Variants in CRTAC1 observed in about 807,000 individuals in gnomAD.
CRTAC1 encodes the protein acidic secreted protein in cartilage.
CRTAC1 carries 37 observed loss-of-function variants against 67.8 expected under a neutral mutation model. That is an observed-to-expected ratio of 0.55 (90% CI 0.42 to 0.72). The LOEUF (loss-of-function observed/expected upper bound fraction) is 0.72. Ranked by LOEUF, CRTAC1 falls within the 30% of genes least tolerant of loss-of-function variation. The probability of loss-of-function intolerance (pLI) is 0.00; values close to 1 mark genes in which losing one functional copy is unlikely to be tolerated. For missense variants in CRTAC1, 780 were observed against 931.6 expected (o/e 0.84, Z 2.12); for synonymous variants, 348 against 371.0 (o/e 0.94, Z 0.71).
chr10:98,030,407 T>C lies in CRTAC1; in HGVS notation c.24+42A>G. ...GGGGGGCGCGCAGAGCTGGAGAAAC[T>C]TTCTCCGCCTTAGGGTGGGGGGCAC... On this transcript the variant is annotated intron_variant, in intron 1 of 14. Coordinates refer to ENST00000370597, the MANE Select transcript of CRTAC1 (RefSeq NM_018058.7). The surrounding 1 kb of genome is among the most constrained non-coding windows in gnomAD (Gnocchi z 4.2). 8.2e-7 allele frequency: 1 copy of C among 1,224,830 alleles called. No individual in the cohort carries two copies. The highest frequency in any genetic ancestry group is 1.0e-6 in the Non-Finnish European group (1 of 966,892). 75.9% of individuals were successfully genotyped at this position (1,224,830 alleles called of 1,614,324 possible).
At chr10:97,883,415 G>T (rs1478176332) in intron 12 of CRTAC1, among the ~76,000 whole-genome samples, 4 of 152,216 alleles carry the variant, frequency 2.6e-5, no homozygotes, top group Non-Finnish European at 5.9e-5. Context: ...CCATATGGGG[G>T]TCTCAGAGAC....
chr10:97,898,239 A>T (rs564520106), intron 8 of CRTAC1, among the ~76,000 whole-genome samples: 3 of 152,354 alleles, frequency 2.0e-5, no homozygotes, highest in South Asian at 4.1e-4. Flanking sequence ...TATGGTGCAC[A>T]GCAGAAAGGA....
intron 2 of CRTAC1, among the ~76,000 whole-genome samples, chr10:97,976,580 C>T (rs566922613): frequency 2.0e-5 from 3 of 152,342 alleles, no homozygotes; most frequent in African/African-American, 7.2e-5. Flanking sequence ...TACTACATCG[C>T]AGCAATTTTT....
chr10:97,923,921 G>A (rs2050877099), intron 3 of CRTAC1, among the ~76,000 whole-genome samples: 1 of 152,144 alleles, frequency 6.6e-6, no homozygotes, highest in Non-Finnish European at 1.5e-5. Flanking sequence ...GCTCTGATGG[G>A]GTGAGAAATG....
At chr10:97,925,899 G>C (rs1036470992) in intron 3 of CRTAC1, among the ~76,000 whole-genome samples, 1 of 152,144 alleles carries the variant, frequency 6.6e-6, no homozygotes, top group East Asian at 1.9e-4. Flanking sequence ...CTCCACCCAG[G>C]AGAGGACAAA....
chr10:98,021,062 C>G (rs1843108827), intron 1 of CRTAC1, among the ~76,000 whole-genome samples: 1 of 152,136 alleles, frequency 6.6e-6, no homozygotes, highest in Admixed American at 6.5e-5. Context: ...TGCACCTACT[C>G]TATGTCAGGT....
At chr10:97,957,115 AG>A (rs1348714341) in intron 2 of CRTAC1, among the ~76,000 whole-genome samples, 1 of 151,970 alleles carries the variant, frequency 6.6e-6, no homozygotes, top group Non-Finnish European at 1.5e-5. Flanking sequence ...GTGCCCAGCC[AG>A]GGCACTTATG....
intron 3 of CRTAC1, among the ~76,000 whole-genome samples, chr10:97,933,376 G>C (rs2051032149): frequency 6.6e-6 from 1 of 152,246 alleles, no homozygotes; most frequent in Non-Finnish European, 1.5e-5. Flanking sequence ...TGAGCCCAGG[G>C]CCCTTCTGGC....
At chr10:97,956,838 T>G (rs568787165) in intron 2 of CRTAC1, among the ~76,000 whole-genome samples, 13 of 151,982 alleles carry the variant, frequency 8.6e-5, no homozygotes, top group South Asian at 2.1e-4. Flanking sequence ...TCTGAAAGAC[T>G]GTACTCTAGC....
intron 2 of CRTAC1, among the ~76,000 whole-genome samples, chr10:98,000,034 C>T (rs1842658709): frequency 6.6e-6 from 1 of 152,194 alleles, no homozygotes; most frequent in Admixed American, 6.5e-5. Flanking sequence ...GACACCCTGG[C>T]TGCAGAAAGG....
chr10:97,998,359 T>A (rs1429564136), intron 2 of CRTAC1, among the ~76,000 whole-genome samples: 1 of 152,066 alleles, frequency 6.6e-6, no homozygotes, highest in Non-Finnish European at 1.5e-5. Context: ...ACAGACCAGG[T>A]ATTTTTTTTT....
intron 8 of CRTAC1, among the ~76,000 whole-genome samples, chr10:97,901,112 G>GCTTTGT (rs2050533517): frequency 2.2e-5 from 3 of 138,764 alleles, no homozygotes; most frequent in African/African-American, 8.8e-5. Flanking sequence ...GTAGTGATTG[G>GCTTTGT]ACCCCGTAGC....
chr10:97,945,499 A>G (rs182570519), intron 2 of CRTAC1, among the ~76,000 whole-genome samples: 1 of 152,348 alleles, frequency 6.6e-6, no homozygotes, highest in South Asian at 2.1e-4. Flanking sequence ...ACCAGAAAAC[A>G]TATGGGAAGA....
rs1384033966 is a variant in CRTAC1 at position 97,908,039 on chromosome 10, G to A, written c.824C>T (p.Thr275Ile). The change falls in exon 6 of 15, where the codon ACC becomes ATC. Residue 275 changes from threonine to isoleucine, a missense_variant. Coordinates refer to ENST00000370597, the MANE Select transcript of CRTAC1 (RefSeq NM_018058.7). Reference sequence around the variant, plus strand: ...AGCACTGGCCGCAGCGTCCACAAAGGTGCCATCGCCCCGGTTGTGGAAAAG... The same window carrying A: ...AGCACTGGCCGCAGCGTCCACAAAGATGCCATCGCCCCGGTTGTGGAAAAG... ...NFLFHNRGDG[T>I]FVDAAASAGV... The A allele has an allele frequency of 4.3e-6, 7 of 1,614,082 alleles. No homozygotes were observed. The Admixed American group carries it at 6.7e-5, about 15-fold the overall frequency.
At chr10:97,941,676 T>A (rs1273315522) in intron 2 of CRTAC1, among the ~76,000 whole-genome samples, 1 of 152,018 alleles carries the variant, frequency 6.6e-6, no homozygotes, top group African/African-American at 2.4e-5. Context: ...CGTTTCTACC[T>A]CCAAAAATGT....
intron 14 of CRTAC1, among the ~76,000 whole-genome samples, chr10:97,877,833 G>C (rs1446025810): frequency 6.6e-6 from 1 of 152,216 alleles, no homozygotes; most frequent in Non-Finnish European, 1.5e-5. Flanking sequence ...CACTTATAAG[G>C]CATCATCTGA....
At chr10:98,026,633 C>T (rs554690289) in intron 1 of CRTAC1, among the ~76,000 whole-genome samples, 2 of 152,092 alleles carry the variant, frequency 1.3e-5, no homozygotes, top group Non-Finnish European at 2.9e-5. Flanking sequence ...TCCTGCACCT[C>T]CCTCCTCCCG....
chr10:98,011,286 C>T lies in CRTAC1; in HGVS notation c.76G>A (p.Glu26Lys). The T allele has an allele frequency of 1.9e-6, 3 of 1,614,178 alleles. No homozygotes were observed. Among genetic ancestry groups the T allele is most frequent in the Non-Finnish European group, 1.7e-6 (2 of 1,180,036 alleles). The part of the protein sequence containing the change: ...LLLLWFLPIT[E>K]GSQRAEPMFT... Reference sequence around the variant, plus strand: ...ATGGGTTCAGCCCGCTGGGACCCCTCAGTGATGGGCAGAAACCAGAGCAGC... The same window carrying T: ...ATGGGTTCAGCCCGCTGGGACCCCTTAGTGATGGGCAGAAACCAGAGCAGC... The change falls in exon 2 of 15, where the codon GAG becomes AAG. Residue 26 changes from glutamate (E) to lysine (K), a missense_variant. Transcript: ENST00000370597.
At chr10:97,887,463 G>A (rs1384391432) in intron 11 of CRTAC1, among the ~76,000 whole-genome samples, 1 of 152,032 alleles carries the variant, frequency 6.6e-6, no homozygotes, top group African/African-American at 2.4e-5. Context: ...GGCTGGTCTC[G>A]AACTCCTGAC....
Sources: allele counts gnomAD v4.1 joint callset (sites outside exome capture counted in the v4.1 genomes callset), GRCh38; gene constraint gnomAD v4.1.1; non-coding constraint Gnocchi (gnomAD v3.1); transcripts MANE v1.5; gene names NCBI Gene and HGNC (gene_info 2026-07-23, HGNC 2026-07-21).